Variants in TTC28 observed in about 807,000 individuals in gnomAD.
TTC28 encodes tetratricopeptide repeat protein 28.
A neutral mutation model predicts 198.0 loss-of-function variants in TTC28; 61 were observed. The ratio of observed to expected loss-of-function variants is 0.31; its 90% confidence interval spans 0.25 to 0.38. TTC28 has a LOEUF of 0.38. TTC28 is among the 10% of genes least tolerant of loss of function. The probability of loss-of-function intolerance (pLI) is 1.00; values close to 1 mark genes in which losing one functional copy is unlikely to be tolerated. For synonymous variants in TTC28, 1,171 were observed against 1,297.8 expected (o/e 0.90, Z 2.10); for missense variants, 2,678 against 3,164.0 (o/e 0.85, Z 3.69).
At chr22:28,034,994 A>C (rs1939277399) in intron 12 of TTC28, among the ~76,000 whole-genome samples, 1 of 152,330 alleles carries the variant, frequency 6.6e-6, no homozygotes, top group South Asian at 2.1e-4. Flanking sequence ...GCCAGAGCTC[A>C]TCCTGTTCTT....
In TTC28 at chr22:28,604,297, T is replaced by TTATATATA. The variant is rs35077140; in HGVS notation, c.381+25247_381+25254dup. On this transcript the variant is annotated intron_variant, in intron 2 of 22. Coordinates refer to ENST00000397906, the MANE Select transcript of TTC28 (RefSeq NM_001145418.2). ...AGTCTTAAACAGAAAAAAAAAAAAA[T>TTATATATA]TATATATATATATATATATATATAT... Among the ~76,000 whole-genome samples, 804 of 114,096 alleles carry TTATATATA rather than the reference T, an allele frequency of 7.0e-3. 11 individuals are homozygous for TTATATATA. Among genetic ancestry groups the TTATATATA allele is most frequent in the East Asian group, 0.017 (77 of 4,536 alleles). The allele number at this position is 114,096 out of a possible 152,430, so 74.9% of individuals were successfully genotyped here.
chr22:28,306,384 C>T, intron 3 of TTC28, 112 bp downstream of exon 3: 2 of 1,274,264 alleles, frequency 1.6e-6, no homozygotes, highest in South Asian at 1.5e-5. Context: ...AATATCAAAT[C>T]TTAGCAAATT....
At chr22:28,437,113 C>T (rs1050300734) in intron 2 of TTC28, among the ~76,000 whole-genome samples, 4 of 151,914 alleles carry the variant, frequency 2.6e-5, no homozygotes, top group East Asian at 1.9e-4. Flanking sequence ...GACAGAGTCT[C>T]GCTCTGTCAC....
chr22:28,040,725 G>A (rs1601549926), intron 12 of TTC28, among the ~76,000 whole-genome samples: 1 of 152,332 alleles, frequency 6.6e-6, no homozygotes, highest in African/African-American at 2.4e-5. Flanking sequence ...AGTGTTGGAA[G>A]TTCTGGCTGG....
intron 2 of TTC28, among the ~76,000 whole-genome samples, chr22:28,474,349 T>C (rs1458121940): frequency 6.6e-6 from 1 of 152,134 alleles, no homozygotes; most frequent in Admixed American, 6.5e-5. Flanking sequence ...GCTCAGAAAG[T>C]AGAAGTACCA....
chr22:28,473,870 G>C (rs1019719863), intron 2 of TTC28, among the ~76,000 whole-genome samples: 1 of 152,154 alleles, frequency 6.6e-6, no homozygotes, highest in African/African-American at 2.4e-5. Context: ...GAAAGAAGCA[G>C]ACCATCTAAA....
At chr22:28,468,690 A>ATTTTTTTTTTTTTTTT (rs35984422) in intron 2 of TTC28, among the ~76,000 whole-genome samples, 9 of 122,310 alleles carry the variant, frequency 7.4e-5, no homozygotes, top group Non-Finnish European at 1.5e-4. Context: ...CGCCCGGCTA[A>ATTTTTTTTTTTTTTTT]TTTTTTTTTT....
intron 2 of TTC28, among the ~76,000 whole-genome samples, chr22:28,476,991 T>C (rs571406766): frequency 2.1e-4 from 32 of 152,312 alleles, no homozygotes; most frequent in Admixed American, 1.4e-3. Context: ...AGACATTACG[T>C]TGAATGAAAG....
rs535410408 is a variant in TTC28 at position 28,067,806 on chromosome 22, C to T, written c.3932+26274G>A. Among the ~76,000 whole-genome samples, 265 of 152,284 alleles carry T rather than the reference C, an allele frequency of 1.7e-3. 1 individual carries two copies. The highest frequency in any genetic ancestry group is 0.011 in the South Asian group (53 of 4,826). ...TGTTATACTTTCATTATAGACACTT[C>T]ACAGCTGTTCTTTTAAGCAGAGTTA... On this transcript the variant is annotated intron_variant, in intron 12 of 22. Transcript: ENST00000397906.
intron 6 of TTC28, among the ~76,000 whole-genome samples, chr22:28,109,705 C>T (rs966762431): frequency 2.0e-5 from 3 of 152,192 alleles, no homozygotes; most frequent in African/African-American, 7.2e-5. Context: ...CTTCGTCCAT[C>T]CCAGTTGGGG....
intron 5 of TTC28, among the ~76,000 whole-genome samples, chr22:28,169,065 T>A (rs1291280049): frequency 1.3e-5 from 2 of 152,068 alleles, no homozygotes; most frequent in East Asian, 1.9e-4. Flanking sequence ...AAAAAACACA[T>A]GAAAAAATGC....
chr22:28,614,823 C>T (rs772307224), intron 2 of TTC28, among the ~76,000 whole-genome samples: 14 of 152,100 alleles, frequency 9.2e-5, no homozygotes, highest in Non-Finnish European at 1.5e-4. Flanking sequence ...AAACCTAAGA[C>T]CTAAAACCAT....
intron 10 of TTC28, among the ~76,000 whole-genome samples, chr22:28,096,805 G>A (rs1406358566): frequency 2.0e-5 from 3 of 149,298 alleles, no homozygotes; most frequent in Non-Finnish European, 3.0e-5. Context: ...GGCTCTCTAC[G>A]TGTCTTTTTT....
intron 5 of TTC28, among the ~76,000 whole-genome samples, chr22:28,239,744 GA>G (rs1251945113): frequency 1.3e-5 from 2 of 151,982 alleles, no homozygotes; most frequent in African/African-American, 4.8e-5. Flanking sequence ...AATGGGGCTT[GA>G]AAAAAGGGAT....
chr22:28,386,664 G>A (rs948913240), intron 2 of TTC28, among the ~76,000 whole-genome samples: 20 of 152,198 alleles, frequency 1.3e-4, no homozygotes, highest in Middle Eastern at 3.4e-3. Context: ...GGGGTGAAAG[G>A]GAGAAAGGAA....
At chr22:28,655,398 A>C (rs1050429080) in intron 1 of TTC28, among the ~76,000 whole-genome samples, 1 of 152,228 alleles carries the variant, frequency 6.6e-6, no homozygotes, top group East Asian at 1.9e-4. Flanking sequence ...AAATAAGACA[A>C]GATTTTTAAA....
chr22:28,481,965 C>T (rs1486771136), intron 2 of TTC28, among the ~76,000 whole-genome samples: 1 of 152,158 alleles, frequency 6.6e-6, no homozygotes, highest in African/African-American at 2.4e-5. Context: ...AAAGGATTAG[C>T]ATTTCTGAAC....
intron 5 of TTC28, among the ~76,000 whole-genome samples, chr22:28,267,587 T>C (rs1175923278): frequency 6.6e-6 from 1 of 152,190 alleles, no homozygotes; most frequent in African/African-American, 2.4e-5. Context: ...AAAAAGTAAA[T>C]ATGGATGTCT....
chr22:28,659,358 T>C (rs375763769), intron 1 of TTC28, among the ~76,000 whole-genome samples: 2 of 152,104 alleles, frequency 1.3e-5, no homozygotes, highest in East Asian at 3.9e-4. Flanking sequence ...AACCTCCGCC[T>C]CCCAGGTTCA....
Sources: allele counts gnomAD v4.1 joint callset (sites outside exome capture counted in the v4.1 genomes callset), GRCh38; gene constraint gnomAD v4.1.1; transcripts MANE v1.5; gene names NCBI Gene and HGNC (gene_info 2026-07-23, HGNC 2026-07-21).